The following SLC35F1 variants were observed in gnomAD, a reference collection of about 807,000 sequenced individuals.
The protein encoded by SLC35F1 is solute carrier family 35 member F1.
Under a neutral mutation model 48.7 loss-of-function variants are expected in SLC35F1, and 14 were observed. The observed-to-expected ratio is 0.29, with a 90% CI of 0.19 to 0.45. The LOEUF (loss-of-function observed/expected upper bound fraction) is 0.45. Among genes scored for constraint, SLC35F1 ranks in the 20% least tolerant of loss-of-function variants. The pLI is 1.00. For missense variants in SLC35F1, 404 were observed against 500.0 expected (o/e 0.81, Z 1.83); for synonymous variants, 190 against 202.2 (o/e 0.94, Z 0.51).
chr6:118,284,221 A>G (rs898050445), intron 6 of SLC35F1, among the ~76,000 whole-genome samples: 1 of 152,246 alleles, frequency 6.6e-6, no homozygotes, highest in African/African-American at 2.4e-5. Context: ...AGCCCACACC[A>G]GATACATTTA....
chr6:117,942,721 A>G (rs1776247350), intron 1 of SLC35F1, among the ~76,000 whole-genome samples: 1 of 152,192 alleles, frequency 6.6e-6, no homozygotes, highest in Admixed American at 6.6e-5. Context: ...AGGAAGATTT[A>G]ATTCTTCTAT....
intron 1 of SLC35F1, among the ~76,000 whole-genome samples, chr6:117,936,437 C>T (rs2114816241): frequency 6.6e-6 from 1 of 152,318 alleles, no homozygotes; most frequent in Non-Finnish European, 1.5e-5. Context: ...TTCCTGCTGC[C>T]TTGTCTGTCA....
intron 1 of SLC35F1, among the ~76,000 whole-genome samples, chr6:117,936,476 C>T (rs150762757): frequency 2.0e-5 from 3 of 152,302 alleles, no homozygotes; most frequent in Admixed American, 2.0e-4. Flanking sequence ...CTCAGAGTTG[C>T]TCTCATCTTT....
chr6:117,992,877 A>G (rs543768789), intron 1 of SLC35F1, among the ~76,000 whole-genome samples: 37 of 152,350 alleles, frequency 2.4e-4, no homozygotes, highest in African/African-American at 8.9e-4. Flanking sequence ...ATCTATCAGA[A>G]AGATAGGAAT....
intron 1 of SLC35F1, among the ~76,000 whole-genome samples, chr6:117,966,552 C>G (rs1165827774): frequency 6.6e-6 from 1 of 152,154 alleles, no homozygotes; most frequent in Non-Finnish European, 1.5e-5. Context: ...AAGGAAGAAA[C>G]TCCGGACACA....
Position 118,124,512 on chromosome 6 carries a change from A to G in SLC35F1, c.174-29933A>G, listed in dbSNP as rs372306643. On this transcript the variant is annotated intron_variant, in intron 1 of 7. Transcript: ENST00000360388. ...TAGAAAGGAGAGAAACAAAATATTAACAACAAATACTCCCATTAGAAACAA... is the reference window on the plus strand; with the variant it reads ...TAGAAAGGAGAGAAACAAAATATTAGCAACAAATACTCCCATTAGAAACAA... Among the ~76,000 whole-genome samples the G allele has an allele frequency of 8.5e-5, 13 of 152,276 alleles. 1 individual carries two copies. In the East Asian group the frequency reaches 9.7e-4, roughly 11 times the overall value.
chr6:118,067,454 T>C (rs1299927940), intron 1 of SLC35F1, among the ~76,000 whole-genome samples: 2 of 152,048 alleles, frequency 1.3e-5, no homozygotes, highest in African/African-American at 4.8e-5. Flanking sequence ...TTGCAGAACA[T>C]ACCACAAGAA....
At chr6:118,129,306 G>C (rs772369476) in intron 1 of SLC35F1, among the ~76,000 whole-genome samples, 17 of 152,040 alleles carry the variant, frequency 1.1e-4, no homozygotes, top group Non-Finnish European at 2.4e-4. Context: ...GGGTGAGTGA[G>C]CATTCCAGGT....
At chr6:118,228,464 A>G (rs1284990938) in intron 2 of SLC35F1, among the ~76,000 whole-genome samples, 1 of 152,118 alleles carries the variant, frequency 6.6e-6, no homozygotes, top group Non-Finnish European at 1.5e-5. Context: ...GCACTTTGGG[A>G]GGGAGAGGCG....
chr6:118,254,181 G>A (rs1053706311), intron 3 of SLC35F1, among the ~76,000 whole-genome samples: 6 of 152,150 alleles, frequency 3.9e-5, no homozygotes, highest in African/African-American at 1.4e-4. Context: ...CCTGGATGTA[G>A]AGTATTCACG....
At chr6:118,287,803 T>TA (rs1019206963) in intron 7 of SLC35F1, among the ~76,000 whole-genome samples, 1 of 152,184 alleles carries the variant, frequency 6.6e-6, no homozygotes, top group Non-Finnish European at 1.5e-5. Context: ...AGAGGGCTGA[T>TA]ACGCTAATTC....
intron 1 of SLC35F1, among the ~76,000 whole-genome samples, chr6:118,053,998 T>C: frequency 6.6e-6 from 1 of 152,244 alleles, no homozygotes; most frequent in East Asian, 1.9e-4. Flanking sequence ...TTTTTTCTAA[T>C]TTAACATATG....
chr6:118,230,929 C>G (rs1341571691), intron 2 of SLC35F1, among the ~76,000 whole-genome samples: 1 of 152,122 alleles, frequency 6.6e-6, no homozygotes, highest in Non-Finnish European at 1.5e-5. Flanking sequence ...CCACTGCACT[C>G]CAGTCTGGGA....
rs1015436289 is a variant in SLC35F1 at position 118,308,453 on chromosome 6, C to T, written c.1003-5575C>T. ...TCTACATGGAAATTCTCCCTACTAG[C>T]TCCGAAACCCACATTTTCTGGGCTG... is the stretch of plus-strand genomic sequence containing the variant. On this transcript the variant is annotated intron_variant, in intron 7 of 7. Coordinates refer to ENST00000360388, the MANE Select transcript of SLC35F1 (RefSeq NM_001029858.4). Among the ~76,000 whole-genome samples the T allele has an allele frequency of 6.6e-5, 10 of 152,188 alleles. No homozygotes were observed. In the South Asian group the frequency reaches 1.0e-3, roughly 16 times the overall value.
chr6:118,012,169 G>C (rs1405322264), intron 1 of SLC35F1, among the ~76,000 whole-genome samples: 1 of 152,006 alleles, frequency 6.6e-6, no homozygotes, highest in Non-Finnish European at 1.5e-5. Context: ...AAAGGAATAG[G>C]AGAGGAAAAT....
At chr6:118,061,253 C>T (rs1772532193) in intron 1 of SLC35F1, among the ~76,000 whole-genome samples, 1 of 152,162 alleles carries the variant, frequency 6.6e-6, no homozygotes, top group Non-Finnish European at 1.5e-5. Flanking sequence ...TTGAAATGGC[C>T]TCTGCATAGC....
At chr6:118,040,513 G>C (rs1036885474) in intron 1 of SLC35F1, among the ~76,000 whole-genome samples, 5 of 152,154 alleles carry the variant, frequency 3.3e-5, no homozygotes, top group Non-Finnish European at 7.4e-5. Context: ...GAACAAAACA[G>C]TGATAGGATA....
At chr6:118,044,510 C>A (rs988460338) in intron 1 of SLC35F1, among the ~76,000 whole-genome samples, 1 of 152,122 alleles carries the variant, frequency 6.6e-6, no homozygotes, top group African/African-American at 2.4e-5. Flanking sequence ...TTCACTGGGG[C>A]CACCATGGCT....
intron 1 of SLC35F1, among the ~76,000 whole-genome samples, chr6:117,962,106 C>T (rs1776505105): frequency 6.6e-6 from 1 of 152,162 alleles, no homozygotes; most frequent in Non-Finnish European, 1.5e-5. Context: ...ACTCGGTTTC[C>T]ATTTAAGGGT....
Sources: allele counts gnomAD v4.1 joint callset (sites outside exome capture counted in the v4.1 genomes callset), GRCh38; gene constraint gnomAD v4.1.1; transcripts MANE v1.5; gene names NCBI Gene and HGNC (gene_info 2026-07-23, HGNC 2026-07-21).